Variants in CALN1 observed in about 807,000 individuals in gnomAD.
The protein encoded by CALN1 is calcium-binding protein 8.
Under a neutral mutation model 30.6 loss-of-function variants are expected in CALN1, and 17 were observed. That is an observed-to-expected ratio of 0.56 (90% CI 0.38 to 0.83). The LOEUF (loss-of-function observed/expected upper bound fraction) is 0.83, where lower values mean the gene tolerates loss of function less well. Among genes scored for constraint, CALN1 ranks in the 40% least tolerant of loss-of-function variants. The probability of loss-of-function intolerance (pLI) is 0.00; values close to 1 mark genes in which losing one functional copy is unlikely to be tolerated. For missense variants in CALN1, 291 were observed against 354.9 expected (o/e 0.82, Z 1.45); for synonymous variants, 156 against 131.4 (o/e 1.19, Z -1.28).
the CALN1 span, among the ~76,000 whole-genome samples, chr7:72,455,154 T>A: frequency 6.6e-6 from 1 of 151,964 alleles, no homozygotes; most frequent in Non-Finnish European, 1.5e-5. Context: ...AAGAAATTTC[T>A]GGCTGGGCAT....
chr7:72,225,476 C>G (rs575425412), intron 3 of CALN1, among the ~76,000 whole-genome samples: 2 of 152,056 alleles, frequency 1.3e-5, no homozygotes, highest in African/African-American at 4.8e-5. Context: ...GGTCAAGCTT[C>G]AAAAGGAGTG....
chr7:71,976,293 CAGAG>C (rs1354622301), intron 5 of CALN1, among the ~76,000 whole-genome samples: 1 of 152,098 alleles, frequency 6.6e-6, no homozygotes, highest in African/African-American at 2.4e-5. Flanking sequence ...GACTGAGAAC[CAGAG>C]AGAAAGGCAA....
At chr7:71,952,804 G>C (rs562844197) in intron 5 of CALN1, among the ~76,000 whole-genome samples, 1 of 152,170 alleles carries the variant, frequency 6.6e-6, no homozygotes, top group East Asian at 1.9e-4. Flanking sequence ...TAGGATCCCT[G>C]CATCCTTCCT....
At chr7:72,178,355 T>G (rs952396942) in intron 3 of CALN1, among the ~76,000 whole-genome samples, 9 of 152,170 alleles carry the variant, frequency 5.9e-5, no homozygotes, top group African/African-American at 1.9e-4. Flanking sequence ...AGAGGTCGAA[T>G]GGAGTAGCAT....
At chr7:72,078,278 A>G (rs1804884783) in intron 4 of CALN1, among the ~76,000 whole-genome samples, 1 of 151,966 alleles carries the variant, frequency 6.6e-6, no homozygotes, top group South Asian at 2.1e-4. Flanking sequence ...CGAGAAGGGA[A>G]TGAGGATTAA....
intron 5 of CALN1, among the ~76,000 whole-genome samples, chr7:71,849,913 T>A (rs1790539759): frequency 6.6e-6 from 1 of 152,150 alleles, no homozygotes; most frequent in African/African-American, 2.4e-5. Flanking sequence ...GATTAGAGAA[T>A]TGAGCCATCG....
intron 2 of CALN1, among the ~76,000 whole-genome samples, chr7:72,370,906 G>C (rs933225604): frequency 6.6e-6 from 1 of 151,854 alleles, no homozygotes; most frequent in Non-Finnish European, 1.5e-5. Context: ...AAATTAGCGG[G>C]TTGTGGTGGC....
At position 71,787,765 on chromosome 7, in the gene CALN1, C is replaced by A. The variant is rs375705532; in HGVS notation, c.*10G>T. On this transcript the variant is annotated 3_prime_UTR_variant, in exon 7 of 7. Coordinates refer to ENST00000395275, the MANE Select transcript of CALN1 (RefSeq NM_031468.4). ...GTGAGCTGCAACACAGTGTGGCTGGCGGGAGGCTGCTACTCCATGCCGCTC... is the reference window on the plus strand; with the variant it reads ...GTGAGCTGCAACACAGTGTGGCTGGAGGGAGGCTGCTACTCCATGCCGCTC... The A allele has an allele frequency of 5.6e-4, 900 of 1,612,408 alleles. No individual in the cohort carries two copies. The highest frequency in any genetic ancestry group is 7.4e-4 in the Non-Finnish European group (877 of 1,179,694).
chr7:71,936,528 GT>G (rs925958424), intron 5 of CALN1, among the ~76,000 whole-genome samples: 40 of 152,238 alleles, frequency 2.6e-4, no homozygotes, highest in Non-Finnish European at 5.0e-4. Context: ...TCTGGGGGAG[GT>G]CAACATGGAC....
intron 4 of CALN1, among the ~76,000 whole-genome samples, chr7:72,100,326 C>G (rs1486313454): frequency 6.6e-6 from 1 of 151,936 alleles, no homozygotes; most frequent in African/African-American, 2.4e-5. Flanking sequence ...GGATTACAGA[C>G]GTGTACCACT....
intron 2 of CALN1, among the ~76,000 whole-genome samples, chr7:72,322,941 C>CA (rs1178465494): frequency 8.4e-6 from 1 of 119,538 alleles, no homozygotes; most frequent in African/African-American, 3.2e-5. Flanking sequence ...CCACAAAAAT[C>CA]AAAAAAATTT....
the CALN1 span, among the ~76,000 whole-genome samples, chr7:72,487,941 GGAAGGAAGGAAGGAAAGGAAGGAAGGAA>G: frequency 4.3e-5 from 3 of 70,448 alleles, no homozygotes; most frequent in Non-Finnish European, 8.7e-5. Context: ...AAGGAAGGAA[GGAAGGAAGGAAGGAAAGGAAGGAAGGAA>G]GGAAGGAAGG....
chr7:72,243,089 T>C (rs1261427572), intron 3 of CALN1, among the ~76,000 whole-genome samples: 1 of 152,158 alleles, frequency 6.6e-6, no homozygotes, highest in Non-Finnish European at 1.5e-5. Flanking sequence ...GAAGCCTTAA[T>C]TCCCAATGTG....
At chr7:71,851,362 T>A (rs1332055918) in intron 5 of CALN1, among the ~76,000 whole-genome samples, 1 of 145,184 alleles carries the variant, frequency 6.9e-6, no homozygotes, top group African/African-American at 2.5e-5. Flanking sequence ...CTAAAAAAAA[T>A]ACAAAAATTA....
intron 5 of CALN1, among the ~76,000 whole-genome samples, chr7:71,817,986 G>A (rs1788365832): frequency 6.6e-6 from 1 of 151,890 alleles, no homozygotes. Flanking sequence ...TTTGTTAAAT[G>A]AGGCTATTCT....
intron 5 of CALN1, among the ~76,000 whole-genome samples, chr7:71,851,658 GA>G (rs1008566791): frequency 2.0e-5 from 3 of 152,074 alleles, no homozygotes; most frequent in Non-Finnish European, 2.9e-5. Context: ...CATAGGAATA[GA>G]GGTGGAATAG....
intron 1 of CALN1, among the ~76,000 whole-genome samples, chr7:72,427,427 G>A (rs1807831490): frequency 6.6e-6 from 1 of 152,180 alleles, no homozygotes; most frequent in Admixed American, 6.5e-5. Flanking sequence ...GCATTTTCCT[G>A]CTGCTCCACT....
chr7:72,121,801 T>C (rs1808411452), intron 3 of CALN1, among the ~76,000 whole-genome samples: 1 of 138,062 alleles, frequency 7.2e-6, no homozygotes, highest in Non-Finnish European at 1.5e-5. Context: ...AATATGTGTT[T>C]TGATTATTGT....
intron 4 of CALN1, among the ~76,000 whole-genome samples, chr7:72,026,315 G>A (rs1480376454): frequency 6.6e-6 from 1 of 152,078 alleles, no homozygotes; most frequent in Non-Finnish European, 1.5e-5. Context: ...GTTGGGTGAG[G>A]TGGCTCACAC....
Sources: allele counts gnomAD v4.1 joint callset (sites outside exome capture counted in the v4.1 genomes callset), GRCh38; gene constraint gnomAD v4.1.1; transcripts MANE v1.5; gene names NCBI Gene and HGNC (gene_info 2026-07-23, HGNC 2026-07-21).